The following ATG13 variants were observed in gnomAD, a reference collection of about 807,000 sequenced individuals.
ATG13 encodes autophagy related 13.
A neutral mutation model predicts 65.5 loss-of-function variants in ATG13; 23 were observed. The observed-to-expected ratio is 0.35, with a 90% CI of 0.25 to 0.50. The LOEUF is 0.50. Ranked by LOEUF, ATG13 falls within the 20% of genes least tolerant of loss-of-function variation. The pLI is 0.98. For missense variants in ATG13, 566 were observed against 677.0 expected, an observed-to-expected ratio of 0.84 and a Z score of 1.82; for synonymous variants, 252 against 245.2, an observed-to-expected ratio of 1.03 and a Z score of -0.26.
At chr11:46,667,719 A>C in intron 14 of ATG13, 54 bp from the exon 15 acceptor site, 2 of 1,408,642 alleles carry the variant, frequency 1.4e-6, no homozygotes, top group Non-Finnish European at 2.0e-6. Flanking sequence ...ATAGTGAACT[A>C]AGTCGTCCTG....
At chr11:46,644,053 A>G (rs2056888679) in intron 2 of ATG13, among the ~76,000 whole-genome samples, 1 of 152,108 alleles carries the variant, frequency 6.6e-6, no homozygotes, top group Non-Finnish European at 1.5e-5. Context: ...AAATGTTCTC[A>G]TTCATTTTTT....
Position 46,656,226 on chromosome 11 carries a change from C to T in ATG13, c.459-7C>T. Reference sequence around the variant, plus strand: ...AGGTAACATTTCTTATTTTTTCTTCCATACAGGATATATTTTGGAGAAGTT... The same window carrying T: ...AGGTAACATTTCTTATTTTTTCTTCTATACAGGATATATTTTGGAGAAGTT... On this transcript the variant is annotated splice_polypyrimidine_tract_variant and splice_region_variant and intron_variant, in intron 7 of 18. Coordinates refer to ENST00000683050, the MANE Select transcript of ATG13 (RefSeq NM_001346311.2). 1.9e-6 allele frequency: 3 copies of T among 1,611,290 alleles called. No individual in the cohort carries two copies. Among genetic ancestry groups the T allele is most frequent in the Non-Finnish European group, 1.7e-6 (2 of 1,177,882 alleles).
At chr11:46,650,508 A>G (rs1440334005) in intron 7 of ATG13, among the ~76,000 whole-genome samples, 191 bp downstream of exon 7, 3 of 152,158 alleles carry the variant, frequency 2.0e-5, no homozygotes, top group Non-Finnish European at 4.4e-5. Flanking sequence ...CACCAGGTTT[A>G]TTATCCTTTT....
intron 2 of ATG13, among the ~76,000 whole-genome samples, chr11:46,631,443 C>T (rs997093158): frequency 7.9e-5 from 12 of 152,166 alleles, no homozygotes; most frequent in Admixed American, 2.0e-4. Context: ...GTTTTCCATT[C>T]GTTCATTATT....
intron 1 of ATG13, chr11:46,620,991 A>G (rs927834693): frequency 1.3e-5 from 2 of 152,194 alleles, no homozygotes; most frequent in African/African-American, 4.8e-5. Flanking sequence ...AATAGTAAAG[A>G]AATAGTTAAG....
At chr11:46,659,266 T>TG (rs2060653812) in intron 10 of ATG13, 126 bp from the exon 11 acceptor site, 2 of 679,714 alleles carry the variant, frequency 2.9e-6, no homozygotes, top group Non-Finnish European at 5.1e-6. Context: ...ATGCCTTTCT[T>TG]GCCAGTACGA....
At chr11:46,665,984 T>C (rs950398799) in intron 14 of ATG13, among the ~76,000 whole-genome samples, 2 of 151,912 alleles carry the variant, frequency 1.3e-5, no homozygotes, top group East Asian at 1.9e-4. Flanking sequence ...TTTGTATTTT[T>C]AGTAGAGATG....
At chr11:46,628,387 ACT>A (rs1056123876) in intron 1 of ATG13, among the ~76,000 whole-genome samples, 30 of 152,006 alleles carry the variant, frequency 2.0e-4, no homozygotes, top group African/African-American at 6.8e-4. Flanking sequence ...ACAGAGTGAG[ACT>A]CTGTCTCAAA....
intron 7 of ATG13, among the ~76,000 whole-genome samples, chr11:46,655,579 A>G (rs1251935496): frequency 6.6e-6 from 1 of 152,116 alleles, no homozygotes; most frequent in Admixed American, 6.5e-5. Flanking sequence ...GTCTCAAACA[A>G]AACAAAACAA....
rs772632542 is a variant in ATG13, at chr11:46,645,322, G to T, written c.70-17G>T. On this transcript the variant is annotated splice_polypyrimidine_tract_variant and intron_variant, in intron 3 of 18. Transcript: ENST00000683050. ...TTCATCATTTTAGGATTTCTTTTGT[G>T]TTTTTTTTTTCTTTAGACTGTCCAA... The T allele has an allele frequency of 1.6e-5, 22 of 1,374,326 alleles. No individual in the cohort carries two copies. The African/African-American group carries it at 2.2e-4, about 14-fold the overall frequency. The allele number at this position is 1,374,326 out of a possible 1,614,324, so 85.1% of individuals were successfully genotyped here. A position where few individuals can be genotyped will look rare whatever the true frequency, so the allele number is the denominator to read the frequency against.
At chr11:46,622,279 G>A (rs2047992532) in intron 1 of ATG13, among the ~76,000 whole-genome samples, 1 of 151,098 alleles carries the variant, frequency 6.6e-6, no homozygotes, top group Admixed American at 6.6e-5. Flanking sequence ...TACCATGCCT[G>A]GCTAATTTTT....
intron 7 of ATG13, among the ~76,000 whole-genome samples, chr11:46,654,283 T>TTATATATATATATATA (rs376147806): frequency 1.6e-5 from 2 of 122,310 alleles, no homozygotes; most frequent in South Asian, 2.6e-4. Flanking sequence ...TTTTAAAATT[T>TTATATATATATATATA]TATATATATA....
At chr11:46,618,536 A>C (rs1159443695) in intron 1 of ATG13, among the ~76,000 whole-genome samples, 1 of 152,222 alleles carries the variant, frequency 6.6e-6, no homozygotes, top group South Asian at 2.1e-4. Flanking sequence ...AAGAGATTTT[A>C]AAAAATTACC....
intron 11 of ATG13, among the ~76,000 whole-genome samples, chr11:46,662,484 G>A (rs996752810): frequency 3.3e-5 from 5 of 152,140 alleles, no homozygotes; most frequent in Admixed American, 2.6e-4. Flanking sequence ...ATGCCTGTGT[G>A]ACTAGAGGCT....
At chr11:46,665,562 G>C (rs1027882855) in intron 14 of ATG13, 43 bp downstream of exon 14, 7 of 1,604,354 alleles carry the variant, frequency 4.4e-6, no homozygotes, top group Non-Finnish European at 5.1e-6. Context: ...GGCTGGCCAG[G>C]GGCCTGGGCT....
chr11:46,624,267 T>G (rs991836389), intron 1 of ATG13, among the ~76,000 whole-genome samples: 1 of 152,148 alleles, frequency 6.6e-6, no homozygotes, highest in African/African-American at 2.4e-5. Context: ...CCTGCCAAAG[T>G]GCTGGGATTA....
intron 1 of ATG13, among the ~76,000 whole-genome samples, chr11:46,627,731 G>T (rs1218267877): frequency 1.3e-5 from 2 of 151,952 alleles, no homozygotes; most frequent in Non-Finnish European, 2.9e-5. Context: ...TGCCCGCCTC[G>T]GTATCCCAGA....
chr11:46,656,317 C>G, intron 8 of ATG13, 44 bp downstream of exon 8: 1 of 1,551,970 alleles, frequency 6.4e-7, no homozygotes, highest in South Asian at 1.1e-5. Flanking sequence ...TCAGAGCTCT[C>G]CTAACTTCAG....
intron 3 of ATG13, among the ~76,000 whole-genome samples, chr11:46,645,100 C>G (rs1291773562): frequency 1.3e-5 from 2 of 152,186 alleles, no homozygotes; most frequent in Non-Finnish European, 2.9e-5. Context: ...AAGCCTCAAC[C>G]TGTAATTCCT....
Sources: allele counts gnomAD v4.1 joint callset (sites outside exome capture counted in the v4.1 genomes callset), GRCh38; gene constraint gnomAD v4.1.1; transcripts MANE v1.5; gene names NCBI Gene and HGNC (gene_info 2026-07-23, HGNC 2026-07-21).